The following CDYL variants were observed in gnomAD, a reference collection of about 807,000 sequenced individuals.
CDYL encodes chromodomain Y like, also known as chromodomain Y-like protein.
In CDYL, 8 loss-of-function variants were observed where a neutral mutation model predicts 47.3. That is an observed-to-expected ratio of 0.17 (90% confidence interval 0.10 to 0.31). The LOEUF (loss-of-function observed/expected upper bound fraction) is 0.31. Among genes scored for constraint, CDYL ranks in the 10% least tolerant of loss-of-function variants. CDYL has a pLI of 1.00. For synonymous variants in CDYL, 266 were observed against 265.0 expected (o/e 1.00, Z -0.04); for missense variants, 471 against 701.4 (o/e 0.67, Z 3.71).
At chr6:4,799,583 C>T (rs966702742) in intron 1 of CDYL, among the ~76,000 whole-genome samples, 8 of 152,030 alleles carry the variant, frequency 5.3e-5, no homozygotes, top group African/African-American at 1.7e-4. Context: ...GTAGCTGGGA[C>T]TATAGGTGTG....
intron 2 of CDYL, among the ~76,000 whole-genome samples, chr6:4,731,947 G>T (rs11751481): frequency 0.095 from 14,437 of 152,120 alleles, 802 homozygotes; most frequent in African/African-American, 0.14. Context: ...AATTACATGA[G>T]GTCATTTTAT....
intron 2 of CDYL, among the ~76,000 whole-genome samples, chr6:4,920,403 A>G (rs952102649): frequency 5.9e-5 from 9 of 152,284 alleles, no homozygotes; most frequent in Admixed American, 1.3e-4. Flanking sequence ...CATATACAAT[A>G]TATATTATGG....
intron 3 of CDYL, among the ~76,000 whole-genome samples, chr6:4,737,155 A>G (rs941691774): frequency 1.3e-5 from 2 of 152,228 alleles, no homozygotes; most frequent in Admixed American, 6.5e-5. Flanking sequence ...ATATGATGAA[A>G]AACAAGTTGT....
intron 1 of CDYL, among the ~76,000 whole-genome samples, chr6:4,793,710 CA>C (rs1384344637): frequency 1.3e-5 from 2 of 152,124 alleles, no homozygotes; most frequent in Non-Finnish European, 2.9e-5. Context: ...GTTTGAAACC[CA>C]GGTGGTGACA....
Position 4,943,973 on chromosome 6 carries a change from A to C in CDYL, c.1332+217A>C, listed in dbSNP as rs919829758. On this transcript the variant is annotated intron_variant, in intron 5 of 6. Coordinates refer to ENST00000397588, the MANE Select transcript of CDYL (RefSeq NM_004824.4). ...CACTGAGGAGCCTACCACTTTGCAT[A>C]ATTCACATGGATATCTACTGTTAGT... is the stretch of plus-strand genomic sequence containing the variant. Among the ~76,000 whole-genome samples, 13 of 152,264 alleles carry C rather than the reference A, an allele frequency of 8.5e-5. No individual in the cohort carries two copies. The East Asian group carries it at 2.5e-3, about 29-fold the overall frequency.
intron 1 of CDYL, among the ~76,000 whole-genome samples, chr6:4,871,531 T>C (rs1251411831): frequency 2.0e-5 from 3 of 152,044 alleles, no homozygotes; most frequent in Non-Finnish European, 4.4e-5. Flanking sequence ...GAAACCAGAC[T>C]CTCTAGGATC....
chr6:4,709,196 C>T (rs1196599081), intron 1 of CDYL, among the ~76,000 whole-genome samples: 3 of 151,750 alleles, frequency 2.0e-5, no homozygotes, highest in Non-Finnish European at 2.9e-5. Context: ...TCATTGCACC[C>T]AGTCATTTTG....
chr6:4,752,650 G>A (rs2175802), intron 3 of CDYL, among the ~76,000 whole-genome samples: 148,073 of 152,254 alleles, frequency 0.97, 72,094 homozygotes, highest in Non-Finnish European at 0.99. Context: ...TTGGCAAAGT[G>A]GTTCCTAGTG....
intron 1 of CDYL, among the ~76,000 whole-genome samples, chr6:4,858,315 G>A (rs1761069340): frequency 6.6e-6 from 1 of 152,204 alleles, no homozygotes; most frequent in South Asian, 2.1e-4. Context: ...CGTTTGATTT[G>A]ATTATTCTTC....
intron 1 of CDYL, among the ~76,000 whole-genome samples, chr6:4,777,659 C>T (rs770944739): frequency 1.3e-5 from 2 of 152,134 alleles, no homozygotes; most frequent in Non-Finnish European, 2.9e-5. Context: ...TTAAAACTTG[C>T]GAAGACTCTC....
At chr6:4,869,844 A>T (rs564426213) in intron 1 of CDYL, among the ~76,000 whole-genome samples, 1 of 152,326 alleles carries the variant, frequency 6.6e-6, no homozygotes, top group Non-Finnish European at 1.5e-5. Flanking sequence ...TTAAATAAAG[A>T]GAAGAAGCAA....
chr6:4,824,992 T>C (rs1759939131), intron 1 of CDYL, among the ~76,000 whole-genome samples: 1 of 152,104 alleles, frequency 6.6e-6, no homozygotes, highest in African/African-American at 2.4e-5. Flanking sequence ...TGCCTCAGCC[T>C]CCTGAGTAGC....
chr6:4,872,771 A>G (rs1561680739), intron 1 of CDYL, among the ~76,000 whole-genome samples: 1 of 152,216 alleles, frequency 6.6e-6, no homozygotes, highest in Admixed American at 6.5e-5. Flanking sequence ...AGAACTAGAT[A>G]GAAAATTCTT....
At chr6:4,739,572 A>G (rs1389270030) in intron 3 of CDYL, among the ~76,000 whole-genome samples, 6 of 151,986 alleles carry the variant, frequency 3.9e-5, no homozygotes, top group Non-Finnish European at 7.4e-5. Context: ...ATAGTTTTAT[A>G]CAGTATAATA....
chr6:4,765,051 G>A (rs548243857), intron 3 of CDYL, among the ~76,000 whole-genome samples: 1 of 152,254 alleles, frequency 6.6e-6, no homozygotes, highest in African/African-American at 2.4e-5. Context: ...GGCTGGGTGT[G>A]GTGGCTCACG....
intron 1 of CDYL, among the ~76,000 whole-genome samples, chr6:4,887,387 A>T (rs9504282): frequency 1.3e-3 from 199 of 152,014 alleles, no homozygotes; most frequent in African/African-American, 4.5e-3. Flanking sequence ...TATAGTTTCC[A>T]CTTTATAAGT....
At chr6:4,750,237 C>G (rs1757966930) in intron 3 of CDYL, among the ~76,000 whole-genome samples, 1 of 151,984 alleles carries the variant, frequency 6.6e-6, no homozygotes, top group Non-Finnish European at 1.5e-5. Flanking sequence ...GAGTCTTGCT[C>G]TGTTGCCCAG....
intron 1 of CDYL, among the ~76,000 whole-genome samples, chr6:4,882,563 A>G (rs1761792359): frequency 6.6e-6 from 1 of 152,180 alleles, no homozygotes; most frequent in Non-Finnish European, 1.5e-5. Flanking sequence ...TTTCATCTGA[A>G]TGTTGGCTGG....
upstream of CDYL, among the ~76,000 whole-genome samples, chr6:4,775,786 G>A (rs990413399): frequency 2.7e-5 from 4 of 149,680 alleles, no homozygotes; most frequent in Admixed American, 1.3e-4. This position sits in a 1 kb window ranked among gnomAD's most constrained non-coding sequence, Gnocchi z 7.0. Context: ...CATGGGGTGG[G>A]GTGGGTGCTC....
Sources: gnomAD v4.1 joint callset for allele counts (sites outside exome capture counted in the v4.1 genomes callset) on GRCh38, gnomAD v4.1.1 for gene constraint, Gnocchi (gnomAD v3.1) non-coding constraint, MANE v1.5 for transcripts, NCBI Gene and HGNC (gene_info 2026-07-23, HGNC 2026-07-21) for gene names.